HDHD2: variants seen among roughly 807,000 people sequenced by gnomAD.
HDHD2 encodes haloacid dehalogenase-like hydrolase domain-containing protein 2.
HDHD2 carries 26 observed loss-of-function variants against 24.8 expected under a neutral mutation model. The ratio of observed to expected loss-of-function variants is 1.05; its 90% CI spans 0.77 to 1.45. The LOEUF is 1.45. HDHD2 is among the 40% of genes most tolerant of loss of function. HDHD2 has a pLI of 0.00. For synonymous variants in HDHD2, 128 were observed against 114.9 expected (o/e 1.11, Z -0.73); for missense variants, 299 against 313.4 (o/e 0.95, Z 0.35).
At chr18:47,128,595 G>A (rs2063682559) in intron 4 of HDHD2, among the ~76,000 whole-genome samples, 1 of 152,172 alleles carries the variant, frequency 6.6e-6, no homozygotes, top group African/African-American at 2.4e-5. Context: ...GTTAACAGTG[G>A]ATGTCCAGGA....
intron 1 of HDHD2, among the ~76,000 whole-genome samples, chr18:47,139,616 A>C (rs1017373766): frequency 5.3e-5 from 8 of 152,206 alleles, no homozygotes; most frequent in Non-Finnish European, 8.8e-5. Context: ...GTCAGTAAGA[A>C]GTTCCACAGG....
chr18:47,114,219 A>G (rs1184303743), intron 5 of HDHD2, among the ~76,000 whole-genome samples: 2 of 152,222 alleles, frequency 1.3e-5, no homozygotes, highest in Admixed American at 6.5e-5. Flanking sequence ...GTGAATGATT[A>G]TAGAAACAGA....
chr18:47,132,308 T>G (rs951330199), intron 3 of HDHD2, among the ~76,000 whole-genome samples: 11 of 152,216 alleles, frequency 7.2e-5, no homozygotes, highest in African/African-American at 2.7e-4. Context: ...AGCATTCCAT[T>G]TTGTGAATAT....
chr18:47,148,084 C>G (rs531384139), intron 1 of HDHD2, among the ~76,000 whole-genome samples: 1 of 151,820 alleles, frequency 6.6e-6, no homozygotes, highest in Non-Finnish European at 1.5e-5. Flanking sequence ...TCTGCCTCCC[C>G]GGCTCAAGCC....
chr18:47,121,385 T>C (rs1031811585), intron 4 of HDHD2, among the ~76,000 whole-genome samples: 1 of 152,190 alleles, frequency 6.6e-6, no homozygotes, highest in African/African-American at 2.4e-5. Context: ...CTATCAGTCA[T>C]ACTTGATTTC....
chr18:47,118,332 A>C (rs1174438853), intron 4 of HDHD2, among the ~76,000 whole-genome samples: 1 of 152,208 alleles, frequency 6.6e-6, no homozygotes, highest in Non-Finnish European at 1.5e-5. Context: ...TCACAAAAGA[A>C]AAGACATGAA....
At chr18:47,116,963 A>C (rs2063562662) in intron 4 of HDHD2, among the ~76,000 whole-genome samples, 1 of 152,154 alleles carries the variant, frequency 6.6e-6, no homozygotes, top group Admixed American at 6.6e-5. Flanking sequence ...GAAGAGGTGA[A>C]ACTGTGGGTT....
intron 1 of HDHD2, 27 bp downstream of exon 1, chr18:47,150,351 C>G (rs890535426): frequency 6.6e-6 from 1 of 152,400 alleles, no homozygotes; most frequent in Non-Finnish European, 1.5e-5. Flanking sequence ...GCGCTTCTTC[C>G]TCTTCAGTCC....
At chr18:47,112,896 A>G (rs936700159) in intron 6 of HDHD2, 81 bp downstream of exon 6, 20 of 1,207,172 alleles carry the variant, frequency 1.7e-5, no homozygotes, top group Non-Finnish European at 2.4e-5. Context: ...GGGCTCTGCC[A>G]TTTCTGCAAA....
In HDHD2 at chr18:47,124,428, C is replaced by T. The variant is rs571297505; in HGVS notation, c.395+5816G>A. Among the ~76,000 whole-genome samples, 5 of 152,214 alleles carry T rather than the reference C, an allele frequency of 3.3e-5. No individual in the cohort carries two copies. The South Asian group carries it at 6.2e-4, about 19-fold the overall frequency. ...CATAACACATTAAGAACTCTAAGGC[C>T]GGGCGCAGTGGCTCACGCCTGTAAT... On this transcript the variant is annotated intron_variant, in intron 4 of 6. Transcript: ENST00000300605.
At chr18:47,146,781 A>G (rs1010120443) in intron 1 of HDHD2, among the ~76,000 whole-genome samples, 1 of 152,232 alleles carries the variant, frequency 6.6e-6, no homozygotes, top group Admixed American at 6.5e-5. Context: ...ACTCAAAAAT[A>G]CAGATGCATA....
At chr18:47,115,036 G>A (rs2063546459) in intron 5 of HDHD2, 96 bp downstream of exon 5, 4 of 824,858 alleles carry the variant, frequency 4.8e-6, no homozygotes, top group Non-Finnish European at 8.1e-6. Context: ...CACATTGTCA[G>A]TAACAGAATG....
chr18:47,121,172 C>T (rs2063603146), intron 4 of HDHD2, among the ~76,000 whole-genome samples: 1 of 150,948 alleles, frequency 6.6e-6, no homozygotes. Context: ...TATGCCTGAA[C>T]ACGACGCTGT....
In HDHD2 at chr18:47,136,370, C is replaced by G; in HGVS notation, c.70G>C (p.Ala24Pro). Residue 24 changes from alanine to proline, a missense_variant, in exon 2 of 7, where the codon GCT (alanine) becomes CCT (proline). Physicochemically the swap from Ala to Pro is conservative, Grantham distance 27. Transcript: ENST00000300605. The part of the protein sequence containing the change: ...LSGTLHIEDA[A>P]VPGAQEALKR... ...AGAGCTTCCTGTGCGCCTGGCACAG[C>G]TGCATCTTCAATGTGAAGTGTGCCA... The G allele has an allele frequency of 1.2e-6, 2 of 1,613,206 alleles. No homozygotes were observed. Among genetic ancestry groups the G allele is most frequent in the East Asian group, 2.2e-5 (1 of 44,886 alleles).
intron 6 of HDHD2, chr18:47,111,395 G>C (rs993606284): frequency 5.2e-6 from 5 of 967,958 alleles, no homozygotes; most frequent in Non-Finnish European, 4.9e-6. Context: ...AAGAAAGAAA[G>C]AAAGAAATAC....
intron 1 of HDHD2, among the ~76,000 whole-genome samples, chr18:47,140,215 G>A (rs1429766907): frequency 6.6e-6 from 1 of 152,106 alleles, no homozygotes; most frequent in Non-Finnish European, 1.5e-5. Context: ...TCTACCAAAA[G>A]CAAAACCAAG....
intron 4 of HDHD2, among the ~76,000 whole-genome samples, chr18:47,128,714 G>A (rs560543410): frequency 1.3e-5 from 2 of 152,328 alleles, no homozygotes; most frequent in South Asian, 2.1e-4. Context: ...AGTGCATTAA[G>A]TAGTTGTGGT....
At chr18:47,112,419 G>A (rs1326554707) in intron 6 of HDHD2, among the ~76,000 whole-genome samples, 4 of 152,134 alleles carry the variant, frequency 2.6e-5, no homozygotes, top group Non-Finnish European at 5.9e-5. Flanking sequence ...CCCCACTAAA[G>A]TCTTTCCTTT....
chr18:47,135,495 A>C (rs2063757183), intron 2 of HDHD2, among the ~76,000 whole-genome samples: 1 of 152,090 alleles, frequency 6.6e-6, no homozygotes, highest in Admixed American at 6.6e-5. Flanking sequence ...TCCCGACCTC[A>C]GGTGATCCAC....
Sources: allele counts gnomAD v4.1 joint callset (sites outside exome capture counted in the v4.1 genomes callset), GRCh38; gene constraint gnomAD v4.1.1; transcripts MANE v1.5; gene names NCBI Gene and HGNC (gene_info 2026-07-23, HGNC 2026-07-21).